MTERF4: variants seen among roughly 807,000 people sequenced by gnomAD.
MTERF4 encodes mitochondrial transcription termination factor 4.
Under a neutral mutation model 22.5 loss-of-function variants are expected in MTERF4, and 17 were observed. The ratio of observed to expected loss-of-function variants is 0.75; its 90% confidence interval spans 0.52 to 1.13. The LOEUF is 1.13. Among genes scored for constraint, MTERF4 ranks in the 50% most tolerant of loss-of-function variants. MTERF4 has a pLI of 0.00. For missense variants in MTERF4, 420 were observed against 466.8 expected (o/e 0.90, Z 0.92); for synonymous variants, 165 against 175.3 (o/e 0.94, Z 0.47).
In MTERF4 at chr2:241,097,385, G is replaced by T; in HGVS notation, c.563C>A (p.Thr188Asn). The change falls in exon 3 of 4, where the codon ACC (threonine) becomes AAC (asparagine). Residue 188 changes from threonine (T) to asparagine (N), a missense_variant. Coordinates refer to ENST00000391980, the MANE Select transcript of MTERF4 (RefSeq NM_182501.4). ...GTCGTTAATGTCCTGCTGGCGCATG[G>T]TGAAAATTTCAGGGCAACAGTAAAG... ...RVLYCCPEIF[T>N]MRQQDINDTV... 6.2e-7 allele frequency: 1 copy of T among 1,614,160 alleles called. No homozygotes were observed. Among genetic ancestry groups the T allele is most frequent in the Non-Finnish European group, 8.5e-7 (1 of 1,180,016 alleles).
At chr2:241,072,029 C>T (rs551547005), downstream of MTERF4, 526 of 774,388 alleles carry the variant, frequency 6.8e-4, 5 homozygotes, top group African/African-American at 7.9e-3. Flanking sequence ...GCACAAGGCG[C>T]GGGGCTCGTG....
chr2:241,062,604 C>T, the MTERF4 span, among the ~76,000 whole-genome samples: 1 of 152,204 alleles, frequency 6.6e-6, no homozygotes, highest in Non-Finnish European at 1.5e-5. Context: ...CAGACACAGC[C>T]AGGCACTGAG....
the MTERF4 span, among the ~76,000 whole-genome samples, chr2:241,064,350 C>T: frequency 6.6e-6 from 1 of 152,114 alleles, no homozygotes; most frequent in East Asian, 1.9e-4. The surrounding 1 kb of genome is among the most constrained non-coding windows in gnomAD (Gnocchi z 7.0). Context: ...CTGCGCTCAC[C>T]CCCCAGACAC....
the MTERF4 span, chr2:241,049,779 C>T: frequency 1.6e-5 from 25 of 1,524,810 alleles, no homozygotes; most frequent in African/African-American, 4.1e-5. Flanking sequence ...ACAGATGCGG[C>T]GTAAGCTCCA....
At chr2:241,053,121 G>C in the MTERF4 span, 7 of 1,591,390 alleles carry the variant, frequency 4.4e-6, no homozygotes, top group African/African-American at 8.0e-5. Context: ...GAAGGCACAG[G>C]ACCGTGCGAG....
chr2:241,042,940 G>T, the MTERF4 span, among the ~76,000 whole-genome samples: 2 of 152,002 alleles, frequency 1.3e-5, no homozygotes, highest in East Asian at 3.9e-4. Flanking sequence ...CAAGCAGCCT[G>T]GGATCCACGT....
chr2:241,077,010 T>C (rs972728941), intron 4 of MTERF4, among the ~76,000 whole-genome samples: 2 of 146,442 alleles, frequency 1.4e-5, no homozygotes, highest in East Asian at 2.0e-4. Flanking sequence ...ACCCGGGAGG[T>C]GGAGCTTGCA....
chr2:241,070,106 T>C, downstream of MTERF4: 1 of 1,612,952 alleles, frequency 6.2e-7, no homozygotes, highest in Non-Finnish European at 8.5e-7. Context: ...CGCGACCTGC[T>C]GCCGGGACGG....
At chr2:241,052,693 G>C in the MTERF4 span, among the ~76,000 whole-genome samples, 2 of 29,984 alleles carry the variant, frequency 6.7e-5, no homozygotes, top group Non-Finnish European at 1.2e-4. Flanking sequence ...GGGTCGGCGG[G>C]GGGGGGGGGG....
chr2:241,063,554 C>T, the MTERF4 span: 1 of 1,471,876 alleles, frequency 6.8e-7, no homozygotes, highest in Non-Finnish European at 9.4e-7. Context: ...AGACTTGAGC[C>T]AGCAACACCC....
downstream of MTERF4, chr2:241,090,595 C>A: frequency 2.0e-6 from 2 of 979,244 alleles, no homozygotes; most frequent in Non-Finnish European, 2.7e-6. Flanking sequence ...AGCATCACCA[C>A]AAACACAAAA....
rs527777566 is a variant in MTERF4, at chr2:241,073,345, C to T, written n.2817G>A. 11 of 1,572,772 alleles carry T rather than the reference C, an allele frequency of 7.0e-6. No homozygotes were observed. Among genetic ancestry groups the T allele is most frequent in the Admixed American group, 3.8e-5 (2 of 53,004 alleles). Reference sequence around the variant, plus strand: ...GCCTGGCCCTCCAGCTCCCTGAACACGGCAGCAAGGACATCGGAAGTGAGT... The same window carrying T: ...GCCTGGCCCTCCAGCTCCCTGAACATGGCAGCAAGGACATCGGAAGTGAGT... On this transcript the variant is annotated non_coding_transcript_exon_variant, in exon 5 of 5. Transcript: ENST00000464344. The surrounding 1 kb of genome is among the most constrained non-coding windows in gnomAD (Gnocchi z 6.6).
At chr2:241,069,834 C>A, downstream of MTERF4, 2 of 1,461,070 alleles carry the variant, frequency 1.4e-6, no homozygotes, top group Non-Finnish European at 1.9e-6. The surrounding 1 kb of genome is among the most constrained non-coding windows in gnomAD (Gnocchi z 4.9). Context: ...AAGGCTGCGG[C>A]AGCCCATGTC....
chr2:241,065,086 G>C, the MTERF4 span: 2 of 835,664 alleles, frequency 2.4e-6, no homozygotes. Flanking sequence ...GGAACAGGGA[G>C]GGGATAAAAT....
chr2:241,051,068 A>G, the MTERF4 span, among the ~76,000 whole-genome samples: 29 of 152,284 alleles, frequency 1.9e-4, no homozygotes, highest in East Asian at 4.4e-3. This position sits in a 1 kb window ranked among gnomAD's most constrained non-coding sequence, Gnocchi z 4.7. Flanking sequence ...GCAGCGTGGG[A>G]TGGCTGGCAG....
At chr2:241,097,111 T>C (rs939411474) in intron 3 of MTERF4, 132 bp downstream of exon 3, 20 of 1,118,926 alleles carry the variant, frequency 1.8e-5, no homozygotes, top group African/African-American at 1.7e-4. Context: ...TTCACTACAT[T>C]TGAAAAACCT....
chr2:241,102,092 G>T, intron 1 of MTERF4, 161 bp downstream of exon 1: 1 of 882,682 alleles, frequency 1.1e-6, no homozygotes, highest in Non-Finnish European at 1.8e-6. Context: ...CAATAATTGA[G>T]CAGAGCCACG....
In MTERF4 at chr2:241,095,757, T is replaced by G; in HGVS notation, c.*241A>C. 1.7e-6 allele frequency: 1 copy of G among 587,320 alleles called. No individual in the cohort carries two copies. The highest frequency in any genetic ancestry group is 2.9e-6 in the Non-Finnish European group (1 of 346,556). 36.4% of individuals were successfully genotyped at this position (587,320 alleles called of 1,614,324 possible). A position where few individuals can be genotyped will look rare whatever the true frequency, so the allele number is the denominator to read the frequency against. Reference sequence around the variant, plus strand: ...TGAATAGCTCAACATAAGTATCTTATTCAGGATGGGACAGGGCCCTCCCCA... The same window carrying G: ...TGAATAGCTCAACATAAGTATCTTAGTCAGGATGGGACAGGGCCCTCCCCA... On this transcript the variant is annotated 3_prime_UTR_variant, in exon 4 of 4. Coordinates refer to ENST00000391980, the MANE Select transcript of MTERF4 (RefSeq NM_182501.4).
chr2:241,069,994 A>G, downstream of MTERF4: 3 of 1,612,620 alleles, frequency 1.9e-6, no homozygotes, highest in Non-Finnish European at 2.5e-6. This position sits in a 1 kb window ranked among gnomAD's most constrained non-coding sequence, Gnocchi z 4.9. Flanking sequence ...GGATGCCCCG[A>G]CTCCAGGCAG....
Sources: allele counts gnomAD v4.1 joint callset (sites outside exome capture counted in the v4.1 genomes callset), GRCh38; gene constraint gnomAD v4.1.1; non-coding constraint Gnocchi (gnomAD v3.1); transcripts MANE v1.5; gene names NCBI Gene and HGNC (gene_info 2026-07-23, HGNC 2026-07-21).